The following PDE2A variants were observed in gnomAD, a reference collection of about 807,000 sequenced individuals.
PDE2A encodes the protein phosphodiesterase 2A.
PDE2A carries 53 observed loss-of-function variants against 133.6 expected under a neutral mutation model. That is an observed-to-expected ratio of 0.40 (90% confidence interval 0.32 to 0.50). The LOEUF is 0.50. Ranked by LOEUF, PDE2A falls within the 20% of genes least tolerant of loss-of-function variation. The pLI is 0.73. For synonymous variants in PDE2A, 491 were observed against 490.2 expected (o/e 1.00, Z -0.02); for missense variants, 796 against 1,232.4 (o/e 0.65, Z 5.30).
intron 14 of PDE2A, among the ~76,000 whole-genome samples, chr11:72,585,869 G>A (rs1855947064): frequency 6.6e-6 from 1 of 152,186 alleles, no homozygotes; most frequent in East Asian, 1.9e-4. Flanking sequence ...TTGAACACTA[G>A]AGGGCGATCA....
chr11:72,589,254 A>G lies in PDE2A; in HGVS notation c.874-14T>C. 1 of 1,607,016 alleles carries G rather than the reference A, an allele frequency of 6.2e-7. No individual in the cohort carries two copies. The highest frequency in any genetic ancestry group is 1.1e-5 in the South Asian group (1 of 90,650). ...GCATCCTGTCAACTAGGGGGTGAGG[A>G]GAGACTGAGTCAGGGCCCAGTACTC... On this transcript the variant is annotated splice_polypyrimidine_tract_variant and intron_variant, in intron 11 of 30. Transcript: ENST00000334456.
intron 2 of PDE2A, among the ~76,000 whole-genome samples, chr11:72,612,275 C>CCACACACACA (rs55775130): frequency 3.9e-4 from 48 of 124,264 alleles, no homozygotes; most frequent in African/African-American, 1.1e-3. Flanking sequence ...CACATCACAT[C>CCACACACACA]CACACACACA....
At chr11:72,658,862 A>T (rs1854972331) in intron 1 of PDE2A, among the ~76,000 whole-genome samples, 1 of 148,888 alleles carries the variant, frequency 6.7e-6, no homozygotes, top group Non-Finnish European at 1.5e-5. Flanking sequence ...GAGTCTTCTA[A>T]TTTTTTTTTT....
In PDE2A at chr11:72,582,452, T is replaced by G; in HGVS notation, c.1843A>C (p.Thr615Pro). Residue 615 changes from threonine to proline, a missense_variant, in exon 21 of 31, where the codon ACG becomes CCG. Thr to Pro is a conservative substitution (Grantham distance 38). Around this residue, in one of 7 missense-constraint regions of PDE2A, gnomAD observed 218 missense variants for 465.9 expected, o/e 0.47. Coordinates refer to ENST00000334456, the MANE Select transcript of PDE2A (RefSeq NM_002599.5). ...YTPRSLPEDD[T>P]SMAILSMLQD... ...GGAGGAGAGCAACTCACCATGGACG[T>G]GTCATCCTCGGGCAGGGAACGAGGG... 6.2e-7 allele frequency: 1 copy of G among 1,614,002 alleles called. No homozygotes were observed. Among genetic ancestry groups the G allele is most frequent in the Non-Finnish European group, 8.5e-7 (1 of 1,179,926 alleles).
At chr11:72,666,258 C>T (rs966074164) in intron 1 of PDE2A, among the ~76,000 whole-genome samples, 9 of 152,180 alleles carry the variant, frequency 5.9e-5, no homozygotes, top group Admixed American at 1.3e-4. Context: ...GCTGCAAGCC[C>T]TATCATCTCA....
At position 72,577,391 on chromosome 11, in the gene PDE2A, G is replaced by T; in HGVS notation, c.2819C>A (p.Ala940Asp). 1 of 1,611,412 alleles carries T rather than the reference G, an allele frequency of 6.2e-7. No individual in the cohort carries two copies. The highest frequency in any genetic ancestry group is 8.5e-7 in the Non-Finnish European group (1 of 1,178,104). Residue 940 changes from alanine to aspartate, a missense_variant, in exon 31 of 31, where the codon GCT becomes GAT. Ala to Asp is a moderately radical substitution (Grantham distance 126). Transcript: ENST00000334456. ...AAGTGTCCCTGGAGGGGATCACTCA[G>T]CATCAAGGCTGCAGCAGCCATTGAT... ...APINGCCSLD[A>D]E
intron 2 of PDE2A, among the ~76,000 whole-genome samples, chr11:72,637,030 C>CA (rs1858729669): frequency 6.7e-6 from 1 of 148,712 alleles, no homozygotes; most frequent in African/African-American, 2.6e-5. Context: ...GTGGTGCTGC[C>CA]ACAGGCTCTC....
At chr11:72,639,496 T>C (rs969544417) in intron 2 of PDE2A, among the ~76,000 whole-genome samples, 3 of 152,066 alleles carry the variant, frequency 2.0e-5, no homozygotes, top group Admixed American at 1.3e-4. Flanking sequence ...TAAGCTGTTC[T>C]TACACCAACA....
chr11:72,641,036 G>C (rs1364123084), intron 2 of PDE2A, among the ~76,000 whole-genome samples: 1 of 152,056 alleles, frequency 6.6e-6, no homozygotes, highest in South Asian at 2.1e-4. Context: ...AACCCAGCCC[G>C]TGCTACACAC....
intron 2 of PDE2A, among the ~76,000 whole-genome samples, chr11:72,617,720 G>A (rs573612791): frequency 2.0e-5 from 3 of 152,242 alleles, no homozygotes; most frequent in Admixed American, 6.5e-5. Context: ...AGGGACAGGC[G>A]GAGGCTGGAG....
In PDE2A at chr11:72,590,323, C is replaced by A. The variant is rs1447810893; in HGVS notation, c.704-79G>T. The stretch of plus-strand genomic sequence containing the variant: ...GGGTCCCTCAGGCGCCGCTCAGCTC[C>A]GCGCCGGGCCCGCCGCCGGCTCCCG... On this transcript the variant is annotated intron_variant, in intron 8 of 30. Transcript: ENST00000334456. The surrounding 1 kb of genome is among the most constrained non-coding windows in gnomAD (Gnocchi z 4.8). 2 of 1,537,692 alleles carry A rather than the reference C, an allele frequency of 1.3e-6. No homozygotes were observed. Among genetic ancestry groups the A allele is most frequent in the East Asian group, 4.9e-5 (2 of 40,818 alleles).
At position 72,600,986 on chromosome 11, in the gene PDE2A, G is replaced by A. The variant is rs905696308; in HGVS notation, c.324-3367C>T. Among the ~76,000 whole-genome samples the A allele has an allele frequency of 4.6e-5, 7 of 151,574 alleles. No homozygotes were observed. The East Asian group carries it at 1.4e-3, about 30-fold the overall frequency. On this transcript the variant is annotated intron_variant, in intron 4 of 30. Coordinates refer to ENST00000334456, the MANE Select transcript of PDE2A (RefSeq NM_002599.5). Reference sequence around the variant, plus strand: ...CAGCCTGGAAAGAGCTGGGTCCCCTGCACTTCTCTGAGCCCCTGTGTGTGT... The same window carrying A: ...CAGCCTGGAAAGAGCTGGGTCCCCTACACTTCTCTGAGCCCCTGTGTGTGT...
chr11:72,674,110 A>G (rs549955674), intron 1 of PDE2A, 27 bp downstream of exon 1: 10 of 1,608,030 alleles, frequency 6.2e-6, no homozygotes, highest in African/African-American at 1.3e-5. Context: ...ACAGCCGCTC[A>G]CCACCCCAGC....
chr11:72,614,588 T>C (rs896178492), intron 2 of PDE2A, among the ~76,000 whole-genome samples: 5 of 152,204 alleles, frequency 3.3e-5, no homozygotes, highest in Non-Finnish European at 7.3e-5. Context: ...ACAGTAGGTC[T>C]GGGACGAGGT....
chr11:72,591,611 G>C (rs937585446), intron 6 of PDE2A, among the ~76,000 whole-genome samples: 2 of 152,208 alleles, frequency 1.3e-5, no homozygotes, highest in Non-Finnish European at 2.9e-5. Context: ...GTCTCATCAA[G>C]AGCACAGTCC....
At chr11:72,599,865 G>T (rs1856659433) in intron 4 of PDE2A, among the ~76,000 whole-genome samples, 1 of 152,208 alleles carries the variant, frequency 6.6e-6, no homozygotes, top group African/African-American at 2.4e-5. Context: ...GTCGGGAGAT[G>T]AGAGCTCTGC....
chr11:72,625,964 G>T (rs114841285), intron 2 of PDE2A, among the ~76,000 whole-genome samples: 4,432 of 152,342 alleles, frequency 0.029, 213 homozygotes, highest in African/African-American at 0.1. Context: ...GGGTGGGGCC[G>T]GCTGGAGCAA....
At chr11:72,584,492 G>C in intron 18 of PDE2A, 59 bp downstream of exon 18, 1 of 1,524,800 alleles carries the variant, frequency 6.6e-7, no homozygotes, top group Non-Finnish European at 8.9e-7. Context: ...ACCCCCGCTC[G>C]CTCGGACCCG....
chr11:72,604,742 A>C (rs1591056648), intron 4 of PDE2A, among the ~76,000 whole-genome samples: 1 of 152,144 alleles, frequency 6.6e-6, no homozygotes, highest in East Asian at 1.9e-4. Context: ...AGGAGTTGGC[A>C]CTGTGAGCTC....
Sources: allele counts gnomAD v4.1 joint callset (sites outside exome capture counted in the v4.1 genomes callset), GRCh38; gene constraint gnomAD v4.1.1; regional missense constraint gnomAD v4.1.1; non-coding constraint Gnocchi (gnomAD v3.1); transcripts MANE v1.5; gene names NCBI Gene and HGNC (gene_info 2026-07-23, HGNC 2026-07-21).